Variants in MVB12B observed in about 807,000 individuals in gnomAD.
MVB12B encodes ESCRT-I complex subunit MVB12B.
MVB12B carries 16 observed loss-of-function variants against 41.6 expected under a neutral mutation model. The ratio of observed to expected loss-of-function variants is 0.38; its 90% CI spans 0.26 to 0.58. The LOEUF (loss-of-function observed/expected upper bound fraction) is 0.58. Ranked by LOEUF, MVB12B falls within the 20% of genes least tolerant of loss-of-function variation. The pLI is 0.62. For missense variants in MVB12B, 274 were observed against 380.2 expected, an observed-to-expected ratio of 0.72 and a Z score of 2.32; for synonymous variants, 133 against 139.7, an observed-to-expected ratio of 0.95 and a Z score of 0.34.
chr9:126,488,809 A>G (rs1833674173), intron 9 of MVB12B, among the ~76,000 whole-genome samples: 2 of 152,192 alleles, frequency 1.3e-5, no homozygotes, highest in African/African-American at 2.4e-5. Flanking sequence ...TGTCCTCACC[A>G]TGCCCTGCCT....
intron 9 of MVB12B, among the ~76,000 whole-genome samples, chr9:126,495,807 T>G (rs1833816840): frequency 6.6e-6 from 1 of 152,184 alleles, no homozygotes; most frequent in Non-Finnish European, 1.5e-5. Flanking sequence ...CACTTTTCAG[T>G]GTTTATGACT....
At chr9:126,382,879 A>G (rs1312617438) in intron 3 of MVB12B, among the ~76,000 whole-genome samples, 1 of 152,200 alleles carries the variant, frequency 6.6e-6, no homozygotes, top group Non-Finnish European at 1.5e-5. Context: ...TGTATTAAAG[A>G]AAACACATTG....
chr9:126,423,167 G>A (rs1277963534), intron 7 of MVB12B, among the ~76,000 whole-genome samples: 1 of 152,246 alleles, frequency 6.6e-6, no homozygotes, highest in Non-Finnish European at 1.5e-5. Context: ...CAGGCCTGTG[G>A]AATCCAGCAG....
chr9:126,416,437 G>A (rs561289508), intron 6 of MVB12B, among the ~76,000 whole-genome samples: 4 of 152,174 alleles, frequency 2.6e-5, no homozygotes, highest in African/African-American at 9.7e-5. Flanking sequence ...CTGGGTGTGC[G>A]ATCGGGCCAT....
chr9:126,423,861 G>A (rs1428550955), intron 7 of MVB12B, among the ~76,000 whole-genome samples: 1 of 152,252 alleles, frequency 6.6e-6, no homozygotes, highest in African/African-American at 2.4e-5. Flanking sequence ...GCCTATCTCA[G>A]TTTGGTATTG....
chr9:126,498,054 T>C (rs1833875204), intron 9 of MVB12B, among the ~76,000 whole-genome samples: 2 of 152,164 alleles, frequency 1.3e-5, no homozygotes, highest in African/African-American at 2.4e-5. Flanking sequence ...CCTCGCCATA[T>C]GACGTGGGCA....
At chr9:126,472,758 A>G (rs903039599) in intron 7 of MVB12B, among the ~76,000 whole-genome samples, 1 of 152,172 alleles carries the variant, frequency 6.6e-6, no homozygotes, top group Non-Finnish European at 1.5e-5. Flanking sequence ...ACAGAGTTCC[A>G]TGCATCATGC....
chr9:126,371,323 A>G lies in MVB12B; in HGVS notation c.205-9741A>G, dbSNP rs572598701. 3.9e-5 allele frequency among the ~76,000 whole-genome samples: 6 copies of G among 152,378 alleles called. No homozygotes were observed. In the East Asian group the frequency reaches 1.2e-3, roughly 29 times the overall value. ...AGCCTCCTTCCTGATGACTTGGAAC[A>G]GGGAGGACGTACCTGCTGCGATGCG... On this transcript the variant is annotated intron_variant, in intron 2 of 9. Transcript: ENST00000361171.
Position 126,473,286 on chromosome 9 carries a change from C to T in MVB12B, c.758-8083C>T, listed in dbSNP as rs180780527. On this transcript the variant is annotated intron_variant, in intron 7 of 9. Coordinates refer to ENST00000361171, the MANE Select transcript of MVB12B (RefSeq NM_033446.3). The surrounding 1 kb of genome is among the most constrained non-coding windows in gnomAD (Gnocchi z 4.0). The stretch of plus-strand genomic sequence containing the variant: ...CAGGTCTGCCAAGCTCCCAGCCCCT[C>T]CTTCCCTGCCATAGCCCCCCATAGC... Among the ~76,000 whole-genome samples, 1 of 152,336 alleles carries T rather than the reference C, an allele frequency of 6.6e-6. No homozygotes were observed. The highest frequency in any genetic ancestry group is 1.9e-4 in the East Asian group (1 of 5,190).
In MVB12B at chr9:126,468,141, G is replaced by A. The variant is rs573403197; in HGVS notation, c.758-13228G>A. Among the ~76,000 whole-genome samples the A allele has an allele frequency of 2.3e-4, 35 of 151,276 alleles. No homozygotes were observed. Among genetic ancestry groups the A allele is most frequent in the Non-Finnish European group, 4.3e-4 (29 of 67,730 alleles). ...CCCATTGTTTTTGCCAGCTTGGAAC[G>A]TTAACATTCCTCAGCTCTGTCCCAG... On this transcript the variant is annotated intron_variant, in intron 7 of 9. Coordinates refer to ENST00000361171, the MANE Select transcript of MVB12B (RefSeq NM_033446.3). This position sits in a 1 kb window ranked among gnomAD's most constrained non-coding sequence, Gnocchi z 4.3.
rs1011904363 is a variant in MVB12B at position 126,333,789 on chromosome 9, G to A, written c.82-6719G>A. Among the ~76,000 whole-genome samples, 3 of 152,278 alleles carry A rather than the reference G, an allele frequency of 2.0e-5. No homozygotes were observed. The highest frequency in any genetic ancestry group is 4.4e-5 in the Non-Finnish European group (3 of 68,032). On this transcript the variant is annotated intron_variant, in intron 1 of 9. Transcript: ENST00000361171. The surrounding 1 kb of genome is among the most constrained non-coding windows in gnomAD (Gnocchi z 4.7). ...GAACTGTCAAGAGGAAGGAGGGGGA[G>A]ACTGGAGGGCTGATTCTGAGGCTTT...
intron 7 of MVB12B, among the ~76,000 whole-genome samples, chr9:126,433,160 G>C (rs948059365): frequency 9.2e-5 from 14 of 152,176 alleles, no homozygotes; most frequent in Middle Eastern, 6.8e-3. Flanking sequence ...GTAAAATGGG[G>C]GTGACGGTGA....
intron 9 of MVB12B, among the ~76,000 whole-genome samples, chr9:126,488,035 G>A (rs556337441): frequency 1.3e-5 from 2 of 152,278 alleles, no homozygotes; most frequent in African/African-American, 4.8e-5. Context: ...TTCCGCAGCC[G>A]TGGCAAAGGC....
chr9:126,472,124 G>C (rs1014415301), intron 7 of MVB12B, among the ~76,000 whole-genome samples: 12 of 152,134 alleles, frequency 7.9e-5, no homozygotes. Flanking sequence ...GCGGCTCTGA[G>C]CAGCTAGGTA....
intron 7 of MVB12B, among the ~76,000 whole-genome samples, chr9:126,460,672 G>A (rs1271529394): frequency 6.6e-6 from 1 of 152,104 alleles, no homozygotes; most frequent in Non-Finnish European, 1.5e-5. Context: ...CAGCATGTTG[G>A]GGAGATGATG....
chr9:126,348,640 A>C (rs946736187), intron 2 of MVB12B, among the ~76,000 whole-genome samples: 6 of 152,182 alleles, frequency 3.9e-5, no homozygotes, highest in Non-Finnish European at 7.3e-5. Context: ...AAACTTCCTA[A>C]TTCCCTATTT....
chr9:126,395,844 T>A lies in MVB12B; in HGVS notation c.662+147T>A. 1 of 1,443,406 alleles carries A rather than the reference T, an allele frequency of 6.9e-7. No homozygotes were observed. The highest frequency in any genetic ancestry group is 2.4e-5 in the East Asian group (1 of 41,090). 89.4% of individuals were successfully genotyped at this position (1,443,406 alleles called of 1,614,324 possible). ...GCAATATATCTTTAGAGGAGATTTTTAAAAATCCACTTGGAAATCTTTGCA... is the reference window on the plus strand; with the variant it reads ...GCAATATATCTTTAGAGGAGATTTTAAAAAATCCACTTGGAAATCTTTGCA... On this transcript the variant is annotated intron_variant, in intron 6 of 9. Coordinates refer to ENST00000361171, the MANE Select transcript of MVB12B (RefSeq NM_033446.3). The surrounding 1 kb of genome is among the most constrained non-coding windows in gnomAD (Gnocchi z 4.9).
chr9:126,495,215 GAGAGAAAGAAGAGA>G (rs1418753957), intron 9 of MVB12B, among the ~76,000 whole-genome samples: 7 of 150,518 alleles, frequency 4.7e-5, no homozygotes, highest in African/African-American at 1.7e-4. Context: ...AAATGAGAGA[GAGAGAAAGAAGAGA>G]AGGGAAATAG....
Position 126,376,576 on chromosome 9 carries a change from C to CA in MVB12B, c.205-4485dup. ...GGTCCACCCTGGCGCTTTCCAGAGA[C>CA]AAAGCCCTCAGTGTCCAGTGTTCAG... is the stretch of plus-strand genomic sequence containing the variant. On this transcript the variant is annotated intron_variant, in intron 2 of 9. Transcript: ENST00000361171. This position sits in a 1 kb window ranked among gnomAD's most constrained non-coding sequence, Gnocchi z 4.1. 1 of 1,289,406 alleles carries CA rather than the reference C, an allele frequency of 7.8e-7. No homozygotes were observed. The highest frequency in any genetic ancestry group is 1.0e-6 in the Non-Finnish European group (1 of 988,876). 79.9% of individuals were successfully genotyped at this position (1,289,406 alleles called of 1,614,324 possible).
Sources: allele counts gnomAD v4.1 joint callset (sites outside exome capture counted in the v4.1 genomes callset), GRCh38; gene constraint gnomAD v4.1.1; non-coding constraint Gnocchi (gnomAD v3.1); transcripts MANE v1.5; gene names NCBI Gene and HGNC (gene_info 2026-07-23, HGNC 2026-07-21).